The following RAB7A variants were observed in gnomAD, a reference collection of about 807,000 sequenced individuals.
RAB7A encodes ras-related protein Rab-7a.
In RAB7A, 2 loss-of-function variants were observed where a neutral mutation model predicts 24.5. That is an observed-to-expected ratio of 0.08 (90% CI 0.03 to 0.26). The LOEUF (loss-of-function observed/expected upper bound fraction) is 0.26. RAB7A is among the 10% of genes least tolerant of loss of function. RAB7A has a pLI of 1.00. For missense variants in RAB7A, 118 were observed against 255.7 expected (o/e 0.46, Z 3.67); for synonymous variants, 100 against 95.9 (o/e 1.04, Z -0.25).
intron 1 of RAB7A, among the ~76,000 whole-genome samples, chr3:128,746,675 C>T (rs1033933138): frequency 2.0e-5 from 3 of 152,000 alleles, no homozygotes; most frequent in Admixed American, 1.3e-4. Flanking sequence ...ACTACAGGCA[C>T]ATGCCACCAC....
At chr3:128,737,682 C>G (rs1268754080) in intron 1 of RAB7A, among the ~76,000 whole-genome samples, 1 of 150,132 alleles carries the variant, frequency 6.7e-6, no homozygotes, top group Admixed American at 6.6e-5. Flanking sequence ...GGGTCTCACT[C>G]TGTCACTCAG....
At chr3:128,795,222 C>G in intron 1 of RAB7A, 138 bp from the exon 2 acceptor site, 1 of 761,334 alleles carries the variant, frequency 1.3e-6, no homozygotes, top group East Asian at 2.6e-5. Context: ...TATCAGTGCC[C>G]CCTGGTGGAA....
intron 1 of RAB7A, among the ~76,000 whole-genome samples, chr3:128,772,065 A>C (rs1418003203): frequency 2.6e-5 from 4 of 152,242 alleles, no homozygotes; most frequent in East Asian, 1.9e-4. Context: ...ATTTTAACTC[A>C]TAAGACAAGC....
At chr3:128,792,856 T>TATTC (rs1334060755) in intron 1 of RAB7A, among the ~76,000 whole-genome samples, 1 of 145,758 alleles carries the variant, frequency 6.9e-6, no homozygotes, top group South Asian at 2.1e-4. Context: ...TTTATTTATT[T>TATTC]ATTTATTCAT....
intron 1 of RAB7A, among the ~76,000 whole-genome samples, chr3:128,754,823 T>C (rs1268313827): frequency 6.6e-6 from 1 of 152,102 alleles, no homozygotes; most frequent in Non-Finnish European, 1.5e-5. Flanking sequence ...TATATATTAA[T>C]AAAAGGTTTA....
intron 1 of RAB7A, among the ~76,000 whole-genome samples, chr3:128,742,929 C>T (rs1457267644): frequency 6.6e-6 from 1 of 152,254 alleles, no homozygotes; most frequent in Non-Finnish European, 1.5e-5. Flanking sequence ...CGCACCTGCA[C>T]TCCTCAGCCC....
At chr3:128,778,124 A>C (rs762678271) in intron 1 of RAB7A, among the ~76,000 whole-genome samples, 1 of 152,174 alleles carries the variant, frequency 6.6e-6, no homozygotes. Context: ...TGAAGAGTAT[A>C]TATTAATCCT....
chr3:128,781,565 G>C (rs928303089), intron 1 of RAB7A, among the ~76,000 whole-genome samples: 3 of 152,034 alleles, frequency 2.0e-5, no homozygotes, highest in East Asian at 1.9e-4. Context: ...AGTCCCATCT[G>C]TTCAAGAGGC....
intron 1 of RAB7A, among the ~76,000 whole-genome samples, chr3:128,730,766 T>C (rs968032960): frequency 6.6e-6 from 1 of 152,198 alleles, no homozygotes; most frequent in Non-Finnish European, 1.5e-5. Flanking sequence ...ACCTACAGCA[T>C]TGGCCTTGTT....
chr3:128,796,505 C>G (rs974601495), intron 2 of RAB7A, among the ~76,000 whole-genome samples: 5 of 152,016 alleles, frequency 3.3e-5, no homozygotes, highest in Non-Finnish European at 7.4e-5. Context: ...CTGAAGGGAC[C>G]CATGAAAGCT....
intron 1 of RAB7A, among the ~76,000 whole-genome samples, chr3:128,779,552 G>T (rs1368670898): frequency 6.6e-6 from 1 of 151,544 alleles, no homozygotes; most frequent in African/African-American, 2.4e-5. Context: ...CTGAGACACT[G>T]GGTTGTAGCA....
chr3:128,763,201 TATATA>T (rs1559786079), intron 1 of RAB7A, among the ~76,000 whole-genome samples: 4 of 111,640 alleles, frequency 3.6e-5, no homozygotes, highest in South Asian at 6.3e-4. Flanking sequence ...TATATATATA[TATATA>T]TATTTTTTTT....
chr3:128,795,172 C>T (rs1261149951), intron 1 of RAB7A, 188 bp from the exon 2 acceptor site: 4 of 648,132 alleles, frequency 6.2e-6, no homozygotes, highest in East Asian at 2.8e-5. Flanking sequence ...TGTTCTGCCT[C>T]GCTCTTGGGT....
chr3:128,798,821 TA>T (rs56925997), intron 3 of RAB7A: 76,819 of 150,450 alleles, frequency 0.51, 19,790 homozygotes, highest in Admixed American at 0.56. Flanking sequence ...TCTCTAAATT[TA>T]AAAAAAAAAA....
rs1933794596 is a variant in RAB7A at position 128,805,974 on chromosome 3, T to C, written c.181-398T>C. On this transcript the variant is annotated intron_variant, in intron 3 of 5. Coordinates refer to ENST00000265062, the MANE Select transcript of RAB7A (RefSeq NM_004637.6). ...ATCACTCGTGAGTCATCACCTCACT[T>C]CCCTATTGAACTGTATCATTCGTGA... Among the ~76,000 whole-genome samples the C allele has an allele frequency of 4.6e-5, 7 of 152,286 alleles. No homozygotes were observed. In the South Asian group the frequency reaches 1.5e-3, roughly 32 times the overall value.
chr3:128,773,424 T>C (rs1933003544), intron 1 of RAB7A, among the ~76,000 whole-genome samples: 1 of 143,482 alleles, frequency 7.0e-6, no homozygotes, highest in South Asian at 2.2e-4. Context: ...GGGAGGGAGG[T>C]GGGGGGCAGC....
intron 1 of RAB7A, among the ~76,000 whole-genome samples, chr3:128,755,816 G>A (rs1037310696): frequency 2.0e-5 from 3 of 151,864 alleles, no homozygotes; most frequent in Non-Finnish European, 4.4e-5. Context: ...TGTGCACAAC[G>A]TGCAGGTTAG....
chr3:128,729,957 C>A (rs1363570033), intron 1 of RAB7A, among the ~76,000 whole-genome samples: 1 of 152,152 alleles, frequency 6.6e-6, no homozygotes, highest in Non-Finnish European at 1.5e-5. Context: ...CCGCCTCCCC[C>A]CTTATTTTTT....
At chr3:128,778,780 C>A (rs747076686) in intron 1 of RAB7A, among the ~76,000 whole-genome samples, 1 of 152,180 alleles carries the variant, frequency 6.6e-6, no homozygotes. Flanking sequence ...GAAGTTAAGG[C>A]ATCTAGAAGC....
Sources: allele counts gnomAD v4.1 joint callset (sites outside exome capture counted in the v4.1 genomes callset), GRCh38; gene constraint gnomAD v4.1.1; transcripts MANE v1.5; gene names NCBI Gene and HGNC (gene_info 2026-07-23, HGNC 2026-07-21).